The following RANBP2 variants were observed in gnomAD, a reference collection of about 807,000 sequenced individuals.
RANBP2 encodes E3 SUMO-protein ligase RanBP2.
In RANBP2, 57 loss-of-function variants were observed where a neutral mutation model predicts 303.6. That is an observed-to-expected ratio of 0.19 (90% confidence interval 0.15 to 0.23). The LOEUF (loss-of-function observed/expected upper bound fraction) is 0.23, where lower values mean the gene tolerates loss of function less well. Among genes scored for constraint, RANBP2 ranks in the 10% least tolerant of loss-of-function variants. The pLI is 1.00. For missense variants in RANBP2, 3,138 were observed against 3,780.8 expected, an observed-to-expected ratio of 0.83 and a Z score of 4.46; for synonymous variants, 1,167 against 1,301.5, an observed-to-expected ratio of 0.90 and a Z score of 2.23.
At chr2:109,235,455 G>A in the RANBP2 span, among the ~76,000 whole-genome samples, 1 of 152,188 alleles carries the variant, frequency 6.6e-6, no homozygotes, top group Non-Finnish European at 1.5e-5. Context: ...ACTTTTGAGA[G>A]CAAGGGGCCC....
chr2:108,729,105 A>C (rs765026716), intron 1 of RANBP2, 27 bp from the exon 2 acceptor site: 7 of 1,562,172 alleles, frequency 4.5e-6, no homozygotes, highest in African/African-American at 4.0e-5. Flanking sequence ...CTGTATGAAA[A>C]GTAAAACAAC....
the RANBP2 span, among the ~76,000 whole-genome samples, chr2:109,409,863 G>T: frequency 1.1e-4 from 16 of 152,132 alleles, no homozygotes; most frequent in Non-Finnish European, 2.2e-4. Flanking sequence ...GAGTGGTAGC[G>T]AGTGATGAAT....
At chr2:108,914,098 T>G in the RANBP2 span, among the ~76,000 whole-genome samples, 1 of 150,842 alleles carries the variant, frequency 6.6e-6, no homozygotes, top group Non-Finnish European at 1.5e-5. Context: ...GCATCTCTAC[T>G]GAATACAAAA....
At chr2:109,765,679 A>G in the RANBP2 span, among the ~76,000 whole-genome samples, 4 of 150,448 alleles carry the variant, frequency 2.7e-5, no homozygotes, top group Admixed American at 6.7e-5. Flanking sequence ...AGAAACATGG[A>G]GGGAATAAAG....
the RANBP2 span, among the ~76,000 whole-genome samples, chr2:109,006,176 G>A: frequency 6.6e-6 from 1 of 151,950 alleles, no homozygotes. Flanking sequence ...TTATTTGGGG[G>A]TAATTTTCTT....
chr2:109,595,741 A>G, the RANBP2 span, among the ~76,000 whole-genome samples: 3 of 152,246 alleles, frequency 2.0e-5, no homozygotes, highest in Non-Finnish European at 2.9e-5. Context: ...CGAACAGATT[A>G]GAGACAATAC....
At chr2:109,353,725 C>G in the RANBP2 span, among the ~76,000 whole-genome samples, 1 of 152,182 alleles carries the variant, frequency 6.6e-6, no homozygotes, top group South Asian at 2.1e-4. Flanking sequence ...GTGCACTGCC[C>G]TTAGGCACTC....
the RANBP2 span, among the ~76,000 whole-genome samples, chr2:109,517,091 C>G: frequency 6.6e-6 from 1 of 152,182 alleles, no homozygotes; most frequent in Admixed American, 6.5e-5. Context: ...ACCCCACAGG[C>G]CTAGAACCGG....
chr2:109,410,154 G>T, the RANBP2 span, among the ~76,000 whole-genome samples: 1 of 152,202 alleles, frequency 6.6e-6, no homozygotes, highest in South Asian at 2.1e-4. Flanking sequence ...ACAACCTGGC[G>T]GTTTAGAATC....
the RANBP2 span, chr2:109,614,110 GC>G: frequency 8.3e-6 from 10 of 1,209,524 alleles, no homozygotes; most frequent in African/African-American, 3.1e-5. Context: ...CAGCGTTGGG[GC>G]GGGCTGAAGG....
At chr2:109,045,974 C>T in the RANBP2 span, among the ~76,000 whole-genome samples, 11 of 152,044 alleles carry the variant, frequency 7.2e-5, no homozygotes, top group Admixed American at 7.2e-4. Context: ...TCTTGCAGGC[C>T]TCAGTCCTTA....
At chr2:109,470,764 G>A in the RANBP2 span, among the ~76,000 whole-genome samples, 4 of 152,306 alleles carry the variant, frequency 2.6e-5, no homozygotes, top group Non-Finnish European at 5.9e-5. Flanking sequence ...AGCCACCCCT[G>A]TTCCACAGGC....
intron 6 of RANBP2, 150 bp downstream of exon 6, chr2:108,736,399 T>C (rs1695588405): frequency 2.1e-6 from 3 of 1,448,646 alleles, no homozygotes; most frequent in Non-Finnish European, 2.8e-6. Flanking sequence ...GGAGGCAATC[T>C]TATTTTTCTT....
At chr2:108,912,567 G>C in the RANBP2 span, 1 of 1,042,810 alleles carries the variant, frequency 9.6e-7, no homozygotes, top group Non-Finnish European at 1.4e-6. Flanking sequence ...GGTGAGGCCA[G>C]GTGGGGAAGC....
chr2:109,203,937 G>A, the RANBP2 span, among the ~76,000 whole-genome samples: 1 of 152,196 alleles, frequency 6.6e-6, no homozygotes, highest in African/African-American at 2.4e-5. Context: ...TGGCCCCAAG[G>A]CCTCCCAGCA....
intron 6 of RANBP2, among the ~76,000 whole-genome samples, chr2:108,739,989 A>G (rs60185252): frequency 1.8e-4 from 27 of 149,276 alleles, no homozygotes; most frequent in African/African-American, 6.4e-4. Context: ...CTCCGTCTCA[A>G]AAAAAAAAAA....
At chr2:109,398,813 G>A in the RANBP2 span, 1 of 1,613,892 alleles carries the variant, frequency 6.2e-7, no homozygotes, top group Non-Finnish European at 8.5e-7. Flanking sequence ...GTGACGCACA[G>A]ATCCTCCCAG....
chr2:109,218,430 C>T, the RANBP2 span, among the ~76,000 whole-genome samples: 4 of 152,262 alleles, frequency 2.6e-5, no homozygotes, highest in Non-Finnish European at 4.4e-5. Context: ...TTATGCTTAA[C>T]AAAACGAGCT....
At chr2:108,823,842 TG>T in the RANBP2 span, among the ~76,000 whole-genome samples, 2 of 152,156 alleles carry the variant, frequency 1.3e-5, no homozygotes, top group South Asian at 2.1e-4. Context: ...TTGGGCGTGG[TG>T]GCGGGCATCT....
Sources: gnomAD v4.1 joint callset for allele counts (sites outside exome capture counted in the v4.1 genomes callset) on GRCh38, gnomAD v4.1.1 for gene constraint, MANE v1.5 for transcripts, NCBI Gene and HGNC (gene_info 2026-07-23, HGNC 2026-07-21) for gene names.